ASIC2: variants seen among roughly 807,000 people sequenced by gnomAD.
ASIC2 encodes acid sensing ion channel subunit 2, also known as acid-sensing ion channel 2.
ASIC2 carries 25 observed loss-of-function variants against 57.3 expected under a neutral mutation model. That is an observed-to-expected ratio of 0.44 (90% CI 0.32 to 0.61). The LOEUF (loss-of-function observed/expected upper bound fraction) is 0.61. ASIC2 is among the 20% of genes least tolerant of loss of function. The pLI, the probability that ASIC2 is intolerant of heterozygous loss-of-function variation, is 0.06. For missense variants in ASIC2, 641 were observed against 738.1 expected (o/e 0.87, Z 1.52); for synonymous variants, 319 against 307.5 (o/e 1.04, Z -0.39).
At chr17:33,470,138 C>G (rs1485238050) in intron 1 of ASIC2, among the ~76,000 whole-genome samples, 1 of 152,164 alleles carries the variant, frequency 6.6e-6, no homozygotes, top group Non-Finnish European at 1.5e-5. Flanking sequence ...CACAGACCAG[C>G]TGGTGTCTGA....
intron 1 of ASIC2, among the ~76,000 whole-genome samples, chr17:33,260,934 TA>T (rs1474050678): frequency 6.6e-6 from 1 of 152,242 alleles, no homozygotes; most frequent in African/African-American, 2.4e-5. Context: ...TGCTCTTCGA[TA>T]GGAACCACCT....
At chr17:33,647,852 A>G (rs1906794810) in intron 1 of ASIC2, among the ~76,000 whole-genome samples, 1 of 152,164 alleles carries the variant, frequency 6.6e-6, no homozygotes, top group Non-Finnish European at 1.5e-5. Flanking sequence ...GCTACTGCTC[A>G]TAGTGCACTG....
intron 1 of ASIC2, among the ~76,000 whole-genome samples, chr17:34,009,715 T>A (rs1262780211): frequency 6.6e-6 from 1 of 152,216 alleles, no homozygotes; most frequent in African/African-American, 2.4e-5. Flanking sequence ...TTCTGCTAAA[T>A]GTTTAAAAAC....
chr17:33,068,516 C>T (rs952814232), intron 3 of ASIC2, among the ~76,000 whole-genome samples: 1 of 129,186 alleles, frequency 7.7e-6, no homozygotes, highest in African/African-American at 2.8e-5. Context: ...GCAACAAGAG[C>T]GAAACTCCAT....
chr17:33,544,798 A>G (rs1207314170), intron 1 of ASIC2, among the ~76,000 whole-genome samples: 5 of 152,184 alleles, frequency 3.3e-5, no homozygotes, highest in Non-Finnish European at 5.9e-5. Context: ...AAAAAAATAT[A>G]GGTCGGGTAT....
intron 1 of ASIC2, among the ~76,000 whole-genome samples, chr17:33,649,570 G>C (rs1906853981): frequency 6.6e-6 from 1 of 152,174 alleles, no homozygotes; most frequent in Non-Finnish European, 1.5e-5. Context: ...TAGAGTTGCT[G>C]AAATTATTTT....
At chr17:33,652,138 C>A (rs977088325) in intron 1 of ASIC2, among the ~76,000 whole-genome samples, 3 of 152,110 alleles carry the variant, frequency 2.0e-5, no homozygotes, top group African/African-American at 7.2e-5. Context: ...GATATTGGGG[C>A]TGATATTTAG....
At chr17:33,763,304 C>T (rs992088183) in intron 1 of ASIC2, among the ~76,000 whole-genome samples, 5 of 152,140 alleles carry the variant, frequency 3.3e-5, no homozygotes, top group South Asian at 4.1e-4. Context: ...GGAGGAAGAA[C>T]ACAGCTTTAG....
At chr17:33,237,612 G>T (rs1908345270) in intron 1 of ASIC2, among the ~76,000 whole-genome samples, 1 of 152,178 alleles carries the variant, frequency 6.6e-6, no homozygotes, top group African/African-American at 2.4e-5. Flanking sequence ...GATTACAGGT[G>T]TGAGCCACCG....
At chr17:34,147,732 A>G (rs1904349308) in intron 1 of ASIC2, among the ~76,000 whole-genome samples, 1 of 152,240 alleles carries the variant, frequency 6.6e-6, no homozygotes. Flanking sequence ...TGGTCAAGGT[A>G]GATATTTTAA....
At chr17:33,072,630 C>T (rs1199206896) in intron 3 of ASIC2, among the ~76,000 whole-genome samples, 1 of 152,264 alleles carries the variant, frequency 6.6e-6, no homozygotes, top group East Asian at 1.9e-4. Flanking sequence ...AGGTGACGTA[C>T]GTAGGCAGGC....
rs543935864 is a variant in ASIC2, at chr17:33,518,173, C to A, written c.556-406106G>T. Among the ~76,000 whole-genome samples, 9 of 152,308 alleles carry A rather than the reference C, an allele frequency of 5.9e-5. 1 individual carries two copies. The South Asian group carries it at 1.9e-3, about 32-fold the overall frequency. On this transcript the variant is annotated intron_variant, in intron 1 of 9. Transcript: ENST00000359872. ...AGAAAATGTCCTCTTGGCTATCAGT[C>A]CTGAGCTCCTCAATAACGCCTGAAC...
intron 1 of ASIC2, among the ~76,000 whole-genome samples, chr17:33,889,451 A>G (rs1383396980): frequency 1.3e-5 from 2 of 152,234 alleles, no homozygotes; most frequent in African/African-American, 2.4e-5. Context: ...TGTGAAAGAT[A>G]ATTCTTAAGA....
In ASIC2 at chr17:33,594,772, G is replaced by A. The variant is rs182077393; in HGVS notation, c.556-482705C>T. 1.2e-3 allele frequency among the ~76,000 whole-genome samples: 187 copies of A among 151,204 alleles called. 1 individual carries two copies. The highest frequency in any genetic ancestry group is 4.0e-3 in the African/African-American group (165 of 41,134). On this transcript the variant is annotated intron_variant, in intron 1 of 9. Transcript: ENST00000359872. ...GAACCCGGGAGGTGGAGCTTGCAGT[G>A]AGCCTAGATCGCACCACTGCACTTC...
intron 1 of ASIC2, among the ~76,000 whole-genome samples, chr17:34,058,980 AATT>A (rs1360616151): frequency 6.6e-6 from 1 of 152,152 alleles, no homozygotes; most frequent in African/African-American, 2.4e-5. Flanking sequence ...AAGATTTAAC[AATT>A]GTTTAGGGAT....
intron 1 of ASIC2, among the ~76,000 whole-genome samples, chr17:33,182,806 A>T (rs1396450360): frequency 1.1e-4 from 16 of 152,180 alleles, no homozygotes. Context: ...TTAGGTACAC[A>T]ATGGTAGACT....
chr17:33,725,727 C>T (rs1324162105), intron 1 of ASIC2, among the ~76,000 whole-genome samples: 1 of 147,850 alleles, frequency 6.8e-6, no homozygotes, highest in African/African-American at 2.4e-5. Context: ...AGAAACCCCC[C>T]CCCCCTTTTT....
intron 1 of ASIC2, among the ~76,000 whole-genome samples, chr17:33,705,617 A>G (rs1908839466): frequency 6.6e-6 from 1 of 152,136 alleles, no homozygotes. Context: ...TGAAGATTAG[A>G]ATGATGTGGT....
At chr17:33,078,996 G>A (rs1306692387) in intron 3 of ASIC2, among the ~76,000 whole-genome samples, 1 of 152,162 alleles carries the variant, frequency 6.6e-6, no homozygotes, top group Non-Finnish European at 1.5e-5. Context: ...ACTGGGAAAA[G>A]TGATGGTGGG....
Sources: gnomAD v4.1 joint callset for allele counts (sites outside exome capture counted in the v4.1 genomes callset) on GRCh38, gnomAD v4.1.1 for gene constraint, MANE v1.5 for transcripts, NCBI Gene and HGNC (gene_info 2026-07-23, HGNC 2026-07-21) for gene names.